TCERG1L: variants seen among roughly 807,000 people sequenced by gnomAD.
The protein encoded by TCERG1L is transcription elongation regulator 1-like protein.
A neutral mutation model predicts 56.3 loss-of-function variants in TCERG1L; 37 were observed. That is an observed-to-expected ratio of 0.66 (90% confidence interval 0.51 to 0.87). The LOEUF (loss-of-function observed/expected upper bound fraction) is 0.87, where lower values mean the gene tolerates loss of function less well. Among genes scored for constraint, TCERG1L ranks in the 40% least tolerant of loss-of-function variants. TCERG1L has a pLI of 0.00. For missense variants in TCERG1L, 799 were observed against 774.2 expected (o/e 1.03, Z -0.38); for synonymous variants, 324 against 326.3 (o/e 0.99, Z 0.08).
chr10:131,118,945 G>A lies in TCERG1L; in HGVS notation c.1260-2011C>T, dbSNP rs1052739750. 1.1e-4 allele frequency among the ~76,000 whole-genome samples: 16 copies of A among 152,198 alleles called. No individual in the cohort carries two copies. The highest frequency in any genetic ancestry group is 7.2e-4 in the Admixed American group (11 of 15,282). On this transcript the variant is annotated intron_variant, in intron 8 of 11. Transcript: ENST00000368642. This position sits in a 1 kb window ranked among gnomAD's most constrained non-coding sequence, Gnocchi z 4.2. ...GCACCTGGGAGTGGAGAGCCGGGAT[G>A]CTGTGAAATGTCCTGCAATGCACAG... is the stretch of plus-strand genomic sequence containing the variant.
intron 4 of TCERG1L, among the ~76,000 whole-genome samples, chr10:131,257,475 T>C (rs1430355563): frequency 6.6e-6 from 1 of 152,246 alleles, no homozygotes; most frequent in Non-Finnish European, 1.5e-5. Flanking sequence ...GACTGTGGAC[T>C]CTTTCCAACA....
At chr10:131,278,289 G>A (rs894046155) in intron 3 of TCERG1L, among the ~76,000 whole-genome samples, 1 of 151,328 alleles carries the variant, frequency 6.6e-6, no homozygotes, top group Non-Finnish European at 1.5e-5. Context: ...ATGAGACGAG[G>A]CCCCCCCTCC....
chr10:131,192,317 A>G (rs539021821), intron 4 of TCERG1L, among the ~76,000 whole-genome samples: 1 of 144,564 alleles, frequency 6.9e-6, no homozygotes, highest in South Asian at 2.1e-4. Flanking sequence ...TTAAAACCAC[A>G]ATGAGATAAC....
intron 4 of TCERG1L, among the ~76,000 whole-genome samples, chr10:131,196,608 C>T (rs952693771): frequency 6.6e-6 from 1 of 151,758 alleles, no homozygotes; most frequent in Non-Finnish European, 1.5e-5. Context: ...TGGGGAAAGA[C>T]GTAGAGGAGA....
intron 3 of TCERG1L, among the ~76,000 whole-genome samples, chr10:131,269,514 T>C (rs1846317450): frequency 6.6e-6 from 1 of 152,186 alleles, no homozygotes; most frequent in Non-Finnish European, 1.5e-5. Flanking sequence ...AATATTGCTA[T>C]GTCTCAGGGA....
intron 4 of TCERG1L, among the ~76,000 whole-genome samples, chr10:131,250,888 C>A (rs553546676): frequency 6.6e-6 from 1 of 152,186 alleles, no homozygotes; most frequent in African/African-American, 2.4e-5. Context: ...CTCTTTCTCA[C>A]GGCTCCATGT....
At chr10:131,305,758 T>A (rs928558855) in intron 3 of TCERG1L, among the ~76,000 whole-genome samples, 2 of 152,002 alleles carry the variant, frequency 1.3e-5, no homozygotes, top group African/African-American at 4.8e-5. Flanking sequence ...TTGAAGGGGA[T>A]CGATAAAATA....
chr10:131,242,180 G>A (rs940834615), intron 4 of TCERG1L, among the ~76,000 whole-genome samples: 15 of 152,178 alleles, frequency 9.9e-5, no homozygotes, highest in Admixed American at 1.3e-4. Context: ...TTCGGGGAAC[G>A]TGGCTCCCAG....
In TCERG1L at chr10:131,245,599, C is replaced by T. The variant is rs375004985; in HGVS notation, c.856+14660G>A. Among the ~76,000 whole-genome samples the T allele has an allele frequency of 4.6e-5, 7 of 152,302 alleles. No homozygotes were observed. In the East Asian group the frequency reaches 7.7e-4, roughly 17 times the overall value. On this transcript the variant is annotated intron_variant, in intron 4 of 11. Coordinates refer to ENST00000368642, the MANE Select transcript of TCERG1L (RefSeq NM_174937.4). ...GCAGCTCACGGTCCTCCCTGGGAAA[C>T]TACGTGTCCTGCCCACAGGCCGCCG...
chr10:131,179,444 G>A (rs548442035), intron 4 of TCERG1L, among the ~76,000 whole-genome samples: 5 of 152,186 alleles, frequency 3.3e-5, no homozygotes, highest in Admixed American at 1.3e-4. Flanking sequence ...CACATCCCAC[G>A]TGAGGCTGGT....
chr10:131,219,312 C>T (rs1845705284), intron 4 of TCERG1L, among the ~76,000 whole-genome samples: 1 of 152,170 alleles, frequency 6.6e-6, no homozygotes, highest in South Asian at 2.1e-4. Context: ...CAGGCAGGTC[C>T]CATCATCCTC....
At chr10:131,212,961 G>A (rs996810948) in intron 4 of TCERG1L, among the ~76,000 whole-genome samples, 10 of 152,206 alleles carry the variant, frequency 6.6e-5, no homozygotes, top group South Asian at 2.1e-4. Context: ...CCACAGCTGC[G>A]GATTGACCTG....
At chr10:131,244,942 C>T (rs72841354) in intron 4 of TCERG1L, among the ~76,000 whole-genome samples, 8,807 of 152,236 alleles carry the variant, frequency 0.058, 337 homozygotes, top group Middle Eastern at 0.14. Flanking sequence ...GCCCAGGACA[C>T]TGGGGAACAG....
chr10:131,293,370 C>T (rs578062556), intron 3 of TCERG1L, among the ~76,000 whole-genome samples: 26 of 152,228 alleles, frequency 1.7e-4, no homozygotes, highest in African/African-American at 6.0e-4. Flanking sequence ...TGGACAAGCA[C>T]CATCATGCTA....
At chr10:131,146,701 C>CTTAATTAGACTTAATTAG in intron 6 of TCERG1L, 41 bp from the exon 7 acceptor site, 1 of 1,570,972 alleles carries the variant, frequency 6.4e-7, no homozygotes. Flanking sequence ...CTCTCGGAGA[C>CTTAATTAGACTTAATTAG]ACTTAATTAG....
chr10:131,206,530 G>T (rs1451275846), intron 4 of TCERG1L, among the ~76,000 whole-genome samples: 1 of 152,248 alleles, frequency 6.6e-6, no homozygotes, highest in Admixed American at 6.5e-5. Flanking sequence ...GCGGCTGCCC[G>T]CCAGGCCTTG....
chr10:131,228,150 C>A (rs150842682), intron 4 of TCERG1L, among the ~76,000 whole-genome samples: 2 of 148,754 alleles, frequency 1.3e-5, no homozygotes, highest in Non-Finnish European at 3.0e-5. Context: ...TTCCTCAAGG[C>A]CTCCGGAGTC....
intron 3 of TCERG1L, among the ~76,000 whole-genome samples, chr10:131,287,157 T>G (rs545376060): frequency 6.6e-6 from 1 of 152,216 alleles, no homozygotes; most frequent in Non-Finnish European, 1.5e-5. Context: ...CTGGAGAATG[T>G]TACTTTAGAA....
chr10:131,202,323 T>A (rs1385521655), intron 4 of TCERG1L, among the ~76,000 whole-genome samples: 39 of 152,208 alleles, frequency 2.6e-4, no homozygotes. Flanking sequence ...GGTTCATGCC[T>A]GTAATCCCAA....
Sources: gnomAD v4.1 joint callset for allele counts (sites outside exome capture counted in the v4.1 genomes callset) on GRCh38, gnomAD v4.1.1 for gene constraint, Gnocchi (gnomAD v3.1) non-coding constraint, MANE v1.5 for transcripts, NCBI Gene and HGNC (gene_info 2026-07-23, HGNC 2026-07-21) for gene names.